The following GRM7 variants were observed in gnomAD, a reference collection of about 807,000 sequenced individuals.
GRM7 encodes metabotropic glutamate receptor 7.
GRM7 carries 35 observed loss-of-function variants against 84.5 expected under a neutral mutation model. The ratio of observed to expected loss-of-function variants is 0.41; its 90% CI spans 0.32 to 0.55. The LOEUF (loss-of-function observed/expected upper bound fraction) is 0.55, where lower values mean the gene tolerates loss of function less well. Among genes scored for constraint, GRM7 ranks in the 20% least tolerant of loss-of-function variants. The probability of loss-of-function intolerance (pLI) is 0.19; values close to 1 mark genes in which losing one functional copy is unlikely to be tolerated. For missense variants in GRM7, 1,003 were observed against 1,194.6 expected, an observed-to-expected ratio of 0.84 and a Z score of 2.36; for synonymous variants, 487 against 455.1, an observed-to-expected ratio of 1.07 and a Z score of -0.89.
At chr3:7,527,798 T>C (rs1485949284) in intron 7 of GRM7, among the ~76,000 whole-genome samples, 6 of 152,082 alleles carry the variant, frequency 3.9e-5, no homozygotes, top group Admixed American at 3.9e-4. Flanking sequence ...ATGGGTTTTT[T>C]AAAATTCTGT....
chr3:7,214,018 A>G (rs956233497), intron 2 of GRM7, among the ~76,000 whole-genome samples: 1 of 152,290 alleles, frequency 6.6e-6, no homozygotes, highest in East Asian at 1.9e-4. Flanking sequence ...CTCTTATTCT[A>G]AACAAAAAGT....
intron 2 of GRM7, among the ~76,000 whole-genome samples, chr3:7,247,341 G>T (rs1378028296): frequency 6.6e-6 from 1 of 152,048 alleles, no homozygotes; most frequent in Non-Finnish European, 1.5e-5. Flanking sequence ...AGAGGCCGAG[G>T]CACAAAGATT....
At chr3:7,610,651 TATGA>T (rs1696807770) in intron 8 of GRM7, among the ~76,000 whole-genome samples, 1 of 152,090 alleles carries the variant, frequency 6.6e-6, no homozygotes, top group Non-Finnish European at 1.5e-5. Context: ...ATGGATTAGG[TATGA>T]GGTATATCCA....
chr3:7,475,650 CG>C (rs1294512724), intron 7 of GRM7, among the ~76,000 whole-genome samples: 1 of 152,068 alleles, frequency 6.6e-6, no homozygotes, highest in Non-Finnish European at 1.5e-5. Flanking sequence ...TTGTCTATAA[CG>C]AGAGGAGGCT....
At chr3:7,171,748 A>G (rs527379035) in intron 2 of GRM7, among the ~76,000 whole-genome samples, 4 of 152,274 alleles carry the variant, frequency 2.6e-5, no homozygotes, top group African/African-American at 9.6e-5. Flanking sequence ...TAGAGGCGTG[A>G]CTTGATGAGA....
chr3:7,103,854 C>CTCTTTCTTTCTT (rs140927280), intron 1 of GRM7, among the ~76,000 whole-genome samples: 2,059 of 123,668 alleles, frequency 0.017, 309 homozygotes, highest in African/African-American at 0.069. Flanking sequence ...CTCTCTCTCT[C>CTCTTTCTTTCTT]TCTTTCTTTC....
chr3:7,528,815 T>C (rs1314799897), intron 7 of GRM7, among the ~76,000 whole-genome samples: 18 of 152,094 alleles, frequency 1.2e-4, no homozygotes, highest in Admixed American at 1.2e-3. Flanking sequence ...TCCATGTAAT[T>C]GTGTGGTTTT....
intron 3 of GRM7, among the ~76,000 whole-genome samples, chr3:7,306,168 T>C (rs1452736141): frequency 6.6e-6 from 1 of 152,138 alleles, no homozygotes; most frequent in African/African-American, 2.4e-5. Flanking sequence ...TTTTGGCCAA[T>C]ATGTGAAATG....
rs116571579 is a variant in GRM7, at chr3:7,360,960, T to G, written c.1034-54063T>G. ...GACAGTCCCATCTTGGACATGCTTT[T>G]TCAGGGGTTCTGAAATTCTCTGCCT... On this transcript the variant is annotated intron_variant, in intron 4 of 9. Transcript: ENST00000357716. Among the ~76,000 whole-genome samples the G allele has an allele frequency of 6.1e-3, 936 of 152,218 alleles. 6 individuals are homozygous for G. Among genetic ancestry groups the G allele is most frequent in the African/African-American group, 0.021 (881 of 41,570 alleles).
chr3:7,665,277 T>C (rs1258708803), intron 8 of GRM7, among the ~76,000 whole-genome samples: 1 of 150,984 alleles, frequency 6.6e-6, no homozygotes, highest in African/African-American at 2.4e-5. Flanking sequence ...GTTCACGCCA[T>C]TCTCCTGCCT....
chr3:7,192,823 C>T (rs1167210352), intron 2 of GRM7, among the ~76,000 whole-genome samples: 2 of 152,098 alleles, frequency 1.3e-5, no homozygotes, highest in Non-Finnish European at 2.9e-5. Context: ...CTATTTTTCA[C>T]TTTTCAATCC....
In GRM7 at chr3:6,862,376, T is replaced by C. The variant is rs982325008; in HGVS notation, c.519+469T>C. On this transcript the variant is annotated intron_variant, in intron 1 of 9. Transcript: ENST00000357716. The surrounding 1 kb of genome is among the most constrained non-coding windows in gnomAD (Gnocchi z 5.2). ...GCCAACCTGCACTCCCTTGAAAAATTTGGAGACAGCCTTAAGGAGGCACTT... is the reference window on the plus strand; with the variant it reads ...GCCAACCTGCACTCCCTTGAAAAATCTGGAGACAGCCTTAAGGAGGCACTT... 2.6e-5 allele frequency among the ~76,000 whole-genome samples: 4 copies of C among 151,866 alleles called. No individual in the cohort carries two copies. Among genetic ancestry groups the C allele is most frequent in the African/African-American group, 7.3e-5 (3 of 41,350 alleles).
chr3:6,978,277 A>G (rs1023872889), intron 1 of GRM7, among the ~76,000 whole-genome samples: 10 of 152,104 alleles, frequency 6.6e-5, no homozygotes, highest in African/African-American at 2.4e-4. Context: ...GAGCCACCAG[A>G]AGCTGGAAGA....
At position 7,081,547 on chromosome 3, in the gene GRM7, C is replaced by A. The variant is rs371675852; in HGVS notation, c.520-64905C>A. The stretch of plus-strand genomic sequence containing the variant: ...ATAATGAAGAGAGACCAGTTAATAA[C>A]CCCACAATGGCCTCTAATTATTCAA... On this transcript the variant is annotated intron_variant, in intron 1 of 9. Transcript: ENST00000357716. Among the ~76,000 whole-genome samples the A allele has an allele frequency of 5.9e-5, 9 of 152,106 alleles. No homozygotes were observed. The East Asian group carries it at 1.2e-3, about 20-fold the overall frequency.
intron 4 of GRM7, among the ~76,000 whole-genome samples, chr3:7,389,927 C>T (rs1694926272): frequency 6.6e-6 from 1 of 151,970 alleles, no homozygotes; most frequent in Admixed American, 6.6e-5. Flanking sequence ...CATGTGGTTA[C>T]TTTTCAGTAT....
At position 7,380,262 on chromosome 3, in the gene GRM7, A is replaced by G. The variant is rs114359885; in HGVS notation, c.1034-34761A>G. ...TTTGGCCATGCCCTCAAGTAGTTTT[A>G]ACATTCCATTTTGGAATATCTGTGT... On this transcript the variant is annotated intron_variant, in intron 4 of 9. Coordinates refer to ENST00000357716, the MANE Select transcript of GRM7 (RefSeq NM_000844.4). Among the ~76,000 whole-genome samples the G allele has an allele frequency of 6.7e-3, 1,021 of 152,334 alleles. 14 individuals are homozygous for G. The highest frequency in any genetic ancestry group is 0.023 in the African/African-American group (968 of 41,578).
At chr3:6,901,562 C>T (rs1051816291) in intron 1 of GRM7, among the ~76,000 whole-genome samples, 8 of 131,812 alleles carry the variant, frequency 6.1e-5, no homozygotes, top group Non-Finnish European at 1.2e-4. Flanking sequence ...TGCACCATTG[C>T]ACTCCAGCCT....
intron 1 of GRM7, among the ~76,000 whole-genome samples, chr3:7,036,131 T>A (rs1370416707): frequency 3.3e-5 from 5 of 152,148 alleles, no homozygotes; most frequent in African/African-American, 1.2e-4. Flanking sequence ...CCAAACCAAT[T>A]GTTCTTACAG....
rs192699554 is a variant in GRM7, at chr3:7,072,546, G to A, written c.520-73906G>A. On this transcript the variant is annotated intron_variant, in intron 1 of 9. Coordinates refer to ENST00000357716, the MANE Select transcript of GRM7 (RefSeq NM_000844.4). The stretch of plus-strand genomic sequence containing the variant: ...AAAGATAGATAATAAAATTAACTGG[G>A]TGTGGTGGTGCATACCTGCAGTCCC... 9.2e-5 allele frequency among the ~76,000 whole-genome samples: 14 copies of A among 152,054 alleles called. No individual in the cohort carries two copies. The East Asian group carries it at 2.7e-3, about 30-fold the overall frequency.
Sources: allele counts gnomAD v4.1 joint callset (sites outside exome capture counted in the v4.1 genomes callset), GRCh38; gene constraint gnomAD v4.1.1; non-coding constraint Gnocchi (gnomAD v3.1); transcripts MANE v1.5; gene names NCBI Gene and HGNC (gene_info 2026-07-23, HGNC 2026-07-21).